The following PIK3CB variants were observed in gnomAD, a reference collection of about 807,000 sequenced individuals.
The protein encoded by PIK3CB is phosphatidylinositol 4,5-bisphosphate 3-kinase catalytic subunit beta isoform.
Under a neutral mutation model 136.8 loss-of-function variants are expected in PIK3CB, and 39 were observed. The observed-to-expected ratio is 0.29, with a 90% CI of 0.22 to 0.37. PIK3CB has a LOEUF of 0.37. Ranked by LOEUF, PIK3CB falls within the 10% of genes least tolerant of loss-of-function variation. The pLI, the probability that PIK3CB is intolerant of heterozygous loss-of-function variation, is 1.00. For missense variants in PIK3CB, 868 were observed against 1,275.4 expected, an observed-to-expected ratio of 0.68 and a Z score of 4.87; for synonymous variants, 428 against 436.6, an observed-to-expected ratio of 0.98 and a Z score of 0.25.
chr3:138,787,619 TTCC>T (rs1272157439), intron 2 of PIK3CB, among the ~76,000 whole-genome samples: 4 of 152,088 alleles, frequency 2.6e-5, no homozygotes, highest in Non-Finnish European at 5.9e-5. Context: ...GAATATATTT[TTCC>T]AACAGTTAAG....
intron 5 of PIK3CB, 51 bp from the exon 6 acceptor site, chr3:138,737,937 T>G (rs1219518628): frequency 9.0e-7 from 1 of 1,113,524 alleles, no homozygotes; most frequent in African/African-American, 1.6e-5. Flanking sequence ...ATATTTATGC[T>G]GAAAAATCAC....
At chr3:138,712,766 C>T (rs961862892) in intron 9 of PIK3CB, among the ~76,000 whole-genome samples, 7 of 151,968 alleles carry the variant, frequency 4.6e-5, no homozygotes, top group South Asian at 2.1e-4. Flanking sequence ...GGGGTTTTGC[C>T]GTGTAGGACA....
At chr3:138,816,695 T>C (rs1430932744) in intron 1 of PIK3CB, among the ~76,000 whole-genome samples, 1 of 152,076 alleles carries the variant, frequency 6.6e-6, no homozygotes, top group African/African-American at 2.4e-5. Flanking sequence ...AGTTAATTGC[T>C]AGTAACAATG....
At chr3:138,682,580 T>C (rs1295125610) in intron 18 of PIK3CB, among the ~76,000 whole-genome samples, 4 of 152,188 alleles carry the variant, frequency 2.6e-5, no homozygotes, top group Non-Finnish European at 1.5e-5. Flanking sequence ...GGAGAGTTCT[T>C]AAGAATCACG....
chr3:138,802,031 A>G (rs1317147041), intron 1 of PIK3CB, among the ~76,000 whole-genome samples: 1 of 151,500 alleles, frequency 6.6e-6, no homozygotes, highest in Non-Finnish European at 1.5e-5. Context: ...CGAAGCAGCA[A>G]GATCCTGTTT....
rs143505218 is a variant in PIK3CB, at chr3:138,731,381, T to C, written c.1050+1980A>G. 5.0e-4 allele frequency among the ~76,000 whole-genome samples: 76 copies of C among 152,056 alleles called. 2 individuals carry two copies. Among genetic ancestry groups the C allele is most frequent in the East Asian group, 3.5e-3 (18 of 5,116 alleles). On this transcript the variant is annotated intron_variant, in intron 8 of 23. Transcript: ENST00000674063. ...GATCCTCCCACCTCAGCCTCCCTCA[T>C]AGCTGGGACTACAGACATATGCCAC...
chr3:138,739,625 G>T (rs2045195040), intron 5 of PIK3CB, among the ~76,000 whole-genome samples: 1 of 151,658 alleles, frequency 6.6e-6, no homozygotes, highest in Non-Finnish European at 1.5e-5. Flanking sequence ...AACAGGCCAG[G>T]TGCAGTGGAT....
intron 1 of PIK3CB, among the ~76,000 whole-genome samples, chr3:138,812,449 C>T (rs570451237): frequency 9.8e-4 from 148 of 151,758 alleles, no homozygotes; most frequent in Admixed American, 3.1e-3. Flanking sequence ...ATTGGTCAAA[C>T]TGGTCTTGAA....
At chr3:138,742,050 ACAAAGAGACCATTT>A (rs1206600188) in intron 5 of PIK3CB, among the ~76,000 whole-genome samples, 1 of 152,234 alleles carries the variant, frequency 6.6e-6, no homozygotes, top group East Asian at 1.9e-4. Context: ...GAATATGGAA[ACAAAGAGACCATTT>A]TGATTAGGCT....
chr3:138,704,957 T>C (rs567251162), intron 11 of PIK3CB, among the ~76,000 whole-genome samples: 1 of 151,798 alleles, frequency 6.6e-6, no homozygotes, highest in East Asian at 1.9e-4. Flanking sequence ...CTTATTTACA[T>C]ACTTTTTGTT....
rs542108230 is a variant in PIK3CB, at chr3:138,653,859, T to C, written c.*1530A>G. ...AAAGTCCAGGGGGCCTCCTATACCA[T>C]GCCTGATGAGGCTGGGAAACAAGGG... On this transcript the variant is annotated 3_prime_UTR_variant, in exon 24 of 24. Coordinates refer to ENST00000674063, the MANE Select transcript of PIK3CB (RefSeq NM_006219.3). 8.1e-5 allele frequency: 16 copies of C among 197,982 alleles called. No homozygotes were observed. Among genetic ancestry groups the C allele is most frequent in the Non-Finnish European group, 1.3e-4 (12 of 95,656 alleles). 12.3% of individuals were successfully genotyped at this position (197,982 alleles called of 1,614,324 possible). A position where few individuals can be genotyped will look rare whatever the true frequency, so the allele number is the denominator to read the frequency against.
At chr3:138,699,618 G>A (rs2044207063) in intron 12 of PIK3CB, among the ~76,000 whole-genome samples, 1 of 152,092 alleles carries the variant, frequency 6.6e-6, no homozygotes. Context: ...CAGAAATCCA[G>A]ATTTCTCATC....
Position 138,698,923 on chromosome 3 carries a change from A to G in PIK3CB, c.1754T>C (p.Leu585Pro). 6.3e-7 allele frequency: 1 copy of G among 1,595,048 alleles called. No homozygotes were observed. The highest frequency in any genetic ancestry group is 8.6e-7 in the Non-Finnish European group (1 of 1,167,250). Reference sequence around the variant, plus strand: ...TTTTGTTACCTGAGCAACATCCTCAAGTTTATTCCACTTGATTGACAGCAG... The same window carrying G: ...TTTTGTTACCTGAGCAACATCCTCAGGTTTATTCCACTTGATTGACAGCAG... ...KLLLSIKWNK[L>P]EDVAQLQALL... Residue 585 changes from leucine to proline, a missense_variant, in exon 13 of 24, where the codon CTT becomes CCT. Transcript: ENST00000674063.
intron 2 of PIK3CB, among the ~76,000 whole-genome samples, chr3:138,784,198 C>A (rs2045949441): frequency 1.3e-5 from 2 of 152,016 alleles, no homozygotes; most frequent in African/African-American, 4.8e-5. Context: ...CCAGCCTGAC[C>A]AACATGGTGA....
intron 1 of PIK3CB, among the ~76,000 whole-genome samples, chr3:138,813,412 T>C (rs567354985): frequency 1.3e-5 from 2 of 151,820 alleles, no homozygotes; most frequent in East Asian, 1.9e-4. Flanking sequence ...AATTCACACA[T>C]GATTAAGGGC....
At chr3:138,737,593 G>T in intron 6 of PIK3CB, 114 bp downstream of exon 6, 1 of 304,214 alleles carries the variant, frequency 3.3e-6, no homozygotes. Flanking sequence ...ATAATTTTCT[G>T]TATATTCCAA....
At chr3:138,796,384 C>CAAAAAAAAAAAAA (rs71626081) in intron 2 of PIK3CB, 79 bp downstream of exon 2, 1 of 66,686 alleles carries the variant, frequency 1.5e-5, no homozygotes, top group Non-Finnish European at 2.8e-5. Flanking sequence ...GACTCCACCT[C>CAAAAAAAAAAAAA]AAAAAAAAAA....
chr3:138,781,420 C>G (rs2045921852), intron 2 of PIK3CB, among the ~76,000 whole-genome samples: 1 of 151,986 alleles, frequency 6.6e-6, no homozygotes, highest in African/African-American at 2.4e-5. Context: ...TTGAAGCCAG[C>G]CTGGACAACA....
intron 1 of PIK3CB, among the ~76,000 whole-genome samples, chr3:138,831,164 A>G (rs1006474788): frequency 2.8e-5 from 4 of 140,374 alleles, no homozygotes; most frequent in East Asian, 2.3e-4. Context: ...GCGGGCACCT[A>G]TGGTCCCAGC....
Sources: allele counts gnomAD v4.1 joint callset (sites outside exome capture counted in the v4.1 genomes callset), GRCh38; gene constraint gnomAD v4.1.1; transcripts MANE v1.5; gene names NCBI Gene and HGNC (gene_info 2026-07-23, HGNC 2026-07-21).